SLAIN2: variants seen among roughly 807,000 people sequenced by gnomAD.
The protein encoded by SLAIN2 is SLAIN family member 2, also known as SLAIN motif-containing protein 2.
In SLAIN2, 31 loss-of-function variants were observed where a neutral mutation model predicts 56.6. The ratio of observed to expected loss-of-function variants is 0.55; its 90% CI spans 0.41 to 0.74. SLAIN2 has a LOEUF of 0.74. Among genes scored for constraint, SLAIN2 ranks in the 30% least tolerant of loss-of-function variants. SLAIN2 has a pLI of 0.00. For missense variants in SLAIN2, 777 were observed against 754.2 expected (o/e 1.03, Z -0.35); for synonymous variants, 317 against 284.9 (o/e 1.11, Z -1.13).
At chr4:48,349,295 A>G (rs973943665) in intron 1 of SLAIN2, among the ~76,000 whole-genome samples, 1 of 152,214 alleles carries the variant, frequency 6.6e-6, no homozygotes, top group Non-Finnish European at 1.5e-5. Context: ...ACAGTGTAGT[A>G]AGAGTTCAGT....
At chr4:48,383,940 A>T (rs922409799) in intron 6 of SLAIN2, 156 bp downstream of exon 6, 2 of 711,078 alleles carry the variant, frequency 2.8e-6, no homozygotes, top group African/African-American at 3.6e-5. Context: ...GCTGGATGAT[A>T]ATCAAAGTTA....
intron 1 of SLAIN2, 23 bp downstream of exon 1, chr4:48,342,151 G>A (rs1181418164): frequency 2.2e-6 from 3 of 1,337,634 alleles, no homozygotes; most frequent in Non-Finnish European, 2.9e-6. Flanking sequence ...CGCCGGGCAG[G>A]AGCTGGGCGG....
rs771379848 is a variant in SLAIN2, at chr4:48,420,265, C to T, written c.1501C>T (p.Pro501Ser). The stretch of plus-strand genomic sequence containing the variant: ...ACAGCTCACACAAACCACCTCCTCA[C>T]CTGGGCCTCCTATGGTTCAGAGCAC... The part of the protein sequence containing the change: ...ITQLTQTTSS[P>S]GPPMVQSTVS... Residue 501 changes from proline to serine, a missense_variant, in exon 7 of 8, where the codon CCT becomes TCT. Pro to Ser is a moderately conservative substitution (Grantham distance 74). Coordinates refer to ENST00000264313, the MANE Select transcript of SLAIN2 (RefSeq NM_020846.2). 1.9e-6 allele frequency: 3 copies of T among 1,613,958 alleles called. No homozygotes were observed. Among genetic ancestry groups the T allele is most frequent in the Non-Finnish European group, 2.5e-6 (3 of 1,179,874 alleles).
chr4:48,373,952 C>T (rs894257220), intron 2 of SLAIN2, among the ~76,000 whole-genome samples: 11 of 152,036 alleles, frequency 7.2e-5, no homozygotes, highest in African/African-American at 2.7e-4. Context: ...GCAGGAGAAT[C>T]GCTTAAACCC....
intron 6 of SLAIN2, among the ~76,000 whole-genome samples, chr4:48,398,080 A>G (rs1716454882): frequency 6.6e-6 from 1 of 152,188 alleles, no homozygotes; most frequent in Non-Finnish European, 1.5e-5. Context: ...TTGAGGAATC[A>G]CCATGCTGTC....
At chr4:48,402,685 T>C (rs964822437) in intron 6 of SLAIN2, among the ~76,000 whole-genome samples, 1 of 152,224 alleles carries the variant, frequency 6.6e-6, no homozygotes, top group Non-Finnish European at 1.5e-5. Context: ...TTAGCTTCTT[T>C]GCATTGGGCT....
At chr4:48,361,105 T>C (rs1263472881) in intron 1 of SLAIN2, among the ~76,000 whole-genome samples, 1 of 152,256 alleles carries the variant, frequency 6.6e-6, no homozygotes, top group African/African-American at 2.4e-5. Context: ...TCTTAAAACA[T>C]TTTGCATCAA....
chr4:48,382,649 G>A lies in SLAIN2; in HGVS notation c.944G>A (p.Ser315Asn). The change falls in exon 5 of 8, where the codon AGT becomes AAT. Residue 315 changes from serine (S) to asparagine (N), a missense_variant. Coordinates refer to ENST00000264313, the MANE Select transcript of SLAIN2 (RefSeq NM_020846.2). ...AATTCTACAAGACGGGGTACTTTTA[G>A]TGATCAGGAACTTGATGCACAAAGT... ...SCNSTRRGTF[S>N]DQELDAQSLD... The A allele has an allele frequency of 1.9e-6, 3 of 1,613,788 alleles. No homozygotes were observed. Among genetic ancestry groups the A allele is most frequent in the Non-Finnish European group, 8.5e-7 (1 of 1,179,748 alleles).
At position 48,341,773 on chromosome 4, in the gene SLAIN2, C is replaced by T; in HGVS notation, c.34C>T (p.Gln12Ter). ...CGTTAACTCCAACGTGAACGCGGAC[C>T]AGGAGGTGCGGAAGCTGCAGGAGCT... Reference protein sequence around the residue: ...EDVNSNVNADQEVRKLQELVK... With the variant: ...EDVNSNVNAD The change falls in exon 1 of 8, where the codon CAG becomes TAG. Residue 12 changes from glutamine to a stop codon, truncating the protein, a stop_gained. Transcript: ENST00000264313. LOFTEE classifies it high-confidence loss of function. 1 of 1,530,454 alleles carries T rather than the reference C, an allele frequency of 6.5e-7. No individual in the cohort carries two copies. The allele number at this position is 1,530,454 out of a possible 1,614,324, so 94.8% of individuals were successfully genotyped here. A position where few individuals can be genotyped will look rare whatever the true frequency, so the allele number is the denominator to read the frequency against.
chr4:48,381,441 C>G (rs1379573374), intron 4 of SLAIN2, among the ~76,000 whole-genome samples: 1 of 152,068 alleles, frequency 6.6e-6, no homozygotes, highest in East Asian at 1.9e-4. Flanking sequence ...TTTGGGCAGT[C>G]ACCTGGTCAA....
chr4:48,350,720 A>G (rs1378018898), intron 1 of SLAIN2, among the ~76,000 whole-genome samples: 1 of 152,218 alleles, frequency 6.6e-6, no homozygotes, highest in Non-Finnish European at 1.5e-5. Flanking sequence ...TTTAGGACAA[A>G]CTAGCTTATT....
Position 48,405,376 on chromosome 4 carries a change from T to C in SLAIN2, c.1361-14749T>C, listed in dbSNP as rs770767349. 3.9e-5 allele frequency among the ~76,000 whole-genome samples: 6 copies of C among 152,240 alleles called. No individual in the cohort carries two copies. In the South Asian group the frequency reaches 1.2e-3, roughly 32 times the overall value. On this transcript the variant is annotated intron_variant, in intron 6 of 7. Transcript: ENST00000264313. ...TAGTTTTGCCTTTTTGATATGTCTT[T>C]TTAAGTTTCTCTTACTTTATCGTTT... is the stretch of plus-strand genomic sequence containing the variant.
intron 6 of SLAIN2, among the ~76,000 whole-genome samples, chr4:48,413,288 A>G (rs1192703802): frequency 2.0e-5 from 3 of 152,128 alleles, no homozygotes; most frequent in African/African-American, 7.2e-5. Flanking sequence ...TTCCTGGTAA[A>G]GAATACTGAT....
intron 2 of SLAIN2, among the ~76,000 whole-genome samples, 176 bp from the exon 3 acceptor site, chr4:48,377,720 T>G (rs542294773): frequency 5.6e-4 from 86 of 152,250 alleles, no homozygotes; most frequent in African/African-American, 2.0e-3. Context: ...CATACACAGT[T>G]TAAGATAATA....
intron 6 of SLAIN2, among the ~76,000 whole-genome samples, chr4:48,404,441 T>C (rs1344642796): frequency 1.3e-5 from 2 of 152,228 alleles, no homozygotes; most frequent in East Asian, 3.8e-4. Context: ...TTCTCTATTC[T>C]AGCCCCTCTT....
At chr4:48,352,000 C>G (rs1433294649) in intron 1 of SLAIN2, among the ~76,000 whole-genome samples, 1 of 152,118 alleles carries the variant, frequency 6.6e-6, no homozygotes, top group African/African-American at 2.4e-5. Flanking sequence ...CTGTGAAGAT[C>G]TTAACTAAAG....
intron 1 of SLAIN2, among the ~76,000 whole-genome samples, chr4:48,346,502 A>G (rs182652713): frequency 7.9e-5 from 12 of 152,318 alleles, no homozygotes; most frequent in Admixed American, 7.8e-4. Flanking sequence ...TGTGGTTTTT[A>G]TACTTTTTTG....
intron 6 of SLAIN2, among the ~76,000 whole-genome samples, chr4:48,385,896 G>GT (rs1716086113): frequency 6.6e-6 from 1 of 151,470 alleles, no homozygotes; most frequent in Non-Finnish European, 1.5e-5. Context: ...GCTAGCAGGA[G>GT]TTTGAGACCA....
At position 48,420,325 on chromosome 4, in the gene SLAIN2, G is replaced by A. The variant is rs746564459; in HGVS notation, c.1561G>A (p.Ala521Thr). Residue 521 changes from alanine (A) to threonine (T), a missense_variant, in exon 7 of 8, where the codon GCT (alanine) becomes ACT (threonine). Coordinates refer to ENST00000264313, the MANE Select transcript of SLAIN2 (RefSeq NM_020846.2). ...SANPPSNINS[A>T]TLTRPAGTTA... ...AAATCCTCCCAGCAATATCAACAGCGCTACTCTAACCAGACCTGCAGGGAC... is the reference window on the plus strand; with the variant it reads ...AAATCCTCCCAGCAATATCAACAGCACTACTCTAACCAGACCTGCAGGGAC... The A allele has an allele frequency of 6.2e-6, 10 of 1,613,830 alleles. No individual in the cohort carries two copies. The highest frequency in any genetic ancestry group is 3.3e-5 in the South Asian group (3 of 91,080).
Sources: allele counts gnomAD v4.1 joint callset (sites outside exome capture counted in the v4.1 genomes callset), GRCh38; gene constraint gnomAD v4.1.1; transcripts MANE v1.5; gene names NCBI Gene and HGNC (gene_info 2026-07-23, HGNC 2026-07-21).